FBLN1: variants seen among roughly 807,000 people sequenced by gnomAD.
The protein encoded by FBLN1 is fibulin 1, also known as fibulin-1.
A neutral mutation model predicts 89.7 loss-of-function variants in FBLN1; 34 were observed. The observed-to-expected ratio is 0.38, with a 90% CI of 0.29 to 0.50. The LOEUF is 0.50. FBLN1 is among the 20% of genes least tolerant of loss of function. The probability of loss-of-function intolerance (pLI) is 0.92; values close to 1 mark genes in which losing one functional copy is unlikely to be tolerated. For missense variants in FBLN1, 777 were observed against 988.1 expected, an observed-to-expected ratio of 0.79 and a Z score of 2.86; for synonymous variants, 393 against 391.3, an observed-to-expected ratio of 1.00 and a Z score of -0.05.
intron 16 of FBLN1, among the ~76,000 whole-genome samples, chr22:45,589,945 T>C (rs1490889073): frequency 1.3e-5 from 2 of 151,874 alleles, no homozygotes; most frequent in Non-Finnish European, 2.9e-5. Context: ...CGGTTTGGGG[T>C]GTGTATTTCT....
intron 12 of FBLN1, 38 bp from the exon 13 acceptor site, chr22:45,548,575 C>A (rs965891387): frequency 3.1e-6 from 5 of 1,612,542 alleles, no homozygotes; most frequent in Non-Finnish European, 4.2e-6. Flanking sequence ...TGGCCAGGTG[C>A]CAGGACACTG....
Position 45,597,724 on chromosome 22 carries a change from T to C in FBLN1, c.1973-2583T>C, listed in dbSNP as rs2089198748. The stretch of plus-strand genomic sequence containing the variant: ...CATGGGCTTTCAAGCAGGACAAAGC[T>C]TCAATGTCATCACCAGGTAGCAGGC... On this transcript the variant is annotated intron_variant, in intron 16 of 16. Coordinates refer to ENST00000327858, the MANE Select transcript of FBLN1 (RefSeq NM_006486.3). The surrounding 1 kb of genome is among the most constrained non-coding windows in gnomAD (Gnocchi z 4.2). Among the ~76,000 whole-genome samples, 1 of 152,122 alleles carries C rather than the reference T, an allele frequency of 6.6e-6. No individual in the cohort carries two copies. The highest frequency in any genetic ancestry group is 1.5e-5 in the Non-Finnish European group (1 of 68,020).
rs1569247962 is a variant in FBLN1, at chr22:45,543,531, G to A, written c.1321+5G>A. 6.2e-7 allele frequency: 1 copy of A among 1,612,704 alleles called. No individual in the cohort carries two copies. The highest frequency in any genetic ancestry group is 2.2e-5 in the East Asian group (1 of 44,884). On this transcript the variant is annotated splice_donor_5th_base_variant and intron_variant, in intron 11 of 16. Transcript: ENST00000327858. ...TGGATGGCAGGTCATGTGAAGGTGA[G>A]GCTGGGGCCCCGTCCACTCACCTCC...
chr22:45,577,165 C>T lies in FBLN1; in HGVS notation c.1972+57C>T. The T allele has an allele frequency of 3.1e-6, 5 of 1,594,434 alleles. No homozygotes were observed. The highest frequency in any genetic ancestry group is 4.3e-6 in the Non-Finnish European group (5 of 1,166,402). On this transcript the variant is annotated intron_variant, in intron 16 of 16. Transcript: ENST00000327858. This position sits in a 1 kb window ranked among gnomAD's most constrained non-coding sequence, Gnocchi z 6.6. ...GCACCCCTCCCCCTCCACCCCGAAA[C>T]CCTCTCTGGCCCAGCCCAACTCCCA...
chr22:45,596,158 T>C (rs779043945), intron 16 of FBLN1, among the ~76,000 whole-genome samples: 27 of 152,176 alleles, frequency 1.8e-4, no homozygotes, highest in East Asian at 3.9e-4. Context: ...CGTGAGCCAC[T>C]ACGCCCGGCC....
At chr22:45,509,394 C>A (rs2088068192) in intron 1 of FBLN1, among the ~76,000 whole-genome samples, 1 of 152,176 alleles carries the variant, frequency 6.6e-6, no homozygotes, top group South Asian at 2.1e-4. Flanking sequence ...CATCCAAGAC[C>A]CCTGTCATCT....
At chr22:45,528,182 G>A (rs576389582) in intron 4 of FBLN1, among the ~76,000 whole-genome samples, 173 bp downstream of exon 4, 3 of 152,328 alleles carry the variant, frequency 2.0e-5, no homozygotes, top group African/African-American at 7.2e-5. Flanking sequence ...AGGGAAGGAG[G>A]GGCATTGCAG....
At chr22:45,592,792 C>T (rs1304489959) in intron 16 of FBLN1, among the ~76,000 whole-genome samples, 2 of 152,176 alleles carry the variant, frequency 1.3e-5, no homozygotes, top group East Asian at 1.9e-4. Context: ...TGGGTCTCCT[C>T]TGAGCTCCTG....
intron 16 of FBLN1, among the ~76,000 whole-genome samples, chr22:45,582,838 G>A (rs4823302): frequency 0.36 from 54,617 of 152,102 alleles, 11,638 homozygotes; most frequent in Admixed American, 0.52. Context: ...TGGTGAGTGC[G>A]TATGCACAGG....
At chr22:45,595,254 C>T (rs2089174326) in intron 16 of FBLN1, among the ~76,000 whole-genome samples, 1 of 152,016 alleles carries the variant, frequency 6.6e-6, no homozygotes, top group African/African-American at 2.4e-5. Context: ...CTGGGAGATG[C>T]AGTGTGGACT....
At chr22:45,525,721 A>G (rs1432798684) in intron 3 of FBLN1, 43 bp downstream of exon 3, 1 of 1,550,718 alleles carries the variant, frequency 6.4e-7, no homozygotes, top group Admixed American at 2.0e-5. Flanking sequence ...CGTCCCCACT[A>G]GTCGGCAGAC....
At chr22:45,529,874 A>T (rs984564679) in intron 4 of FBLN1, among the ~76,000 whole-genome samples, 1 of 152,196 alleles carries the variant, frequency 6.6e-6, no homozygotes, top group African/African-American at 2.4e-5. Flanking sequence ...CTCAAAAAAA[A>T]TAATAAAATA....
chr22:45,585,569 C>T (rs1156387343), intron 16 of FBLN1, among the ~76,000 whole-genome samples: 1 of 152,194 alleles, frequency 6.6e-6, no homozygotes, highest in Non-Finnish European at 1.5e-5. Flanking sequence ...AGGGATGACG[C>T]GCTTTCTCTT....
intron 14 of FBLN1, among the ~76,000 whole-genome samples, chr22:45,553,866 C>T (rs1960777908): frequency 6.6e-6 from 1 of 152,214 alleles, no homozygotes; most frequent in Admixed American, 6.5e-5. Flanking sequence ...AAACAAATTC[C>T]ATCCCTGGTT....
At chr22:45,584,732 C>T (rs1212102350) in intron 16 of FBLN1, among the ~76,000 whole-genome samples, 1 of 152,150 alleles carries the variant, frequency 6.6e-6, no homozygotes, top group Admixed American at 6.5e-5. Flanking sequence ...CCGGAGCCTT[C>T]TTAGGGGACA....
intron 16 of FBLN1, among the ~76,000 whole-genome samples, chr22:45,593,163 C>T (rs977884544): frequency 1.4e-5 from 2 of 142,678 alleles, no homozygotes; most frequent in Middle Eastern, 3.2e-3. Flanking sequence ...GAGACCCCCC[C>T]CACCCCCCGC....
chr22:45,543,359 G>A, intron 10 of FBLN1, 42 bp from the exon 11 acceptor site: 1 of 1,607,402 alleles, frequency 6.2e-7, no homozygotes, highest in South Asian at 1.1e-5. Context: ...TGGTGCCACT[G>A]TGTTGGACAT....
intron 6 of FBLN1, 54 bp from the exon 7 acceptor site, chr22:45,533,707 A>G: frequency 6.3e-7 from 1 of 1,590,962 alleles, no homozygotes; most frequent in Non-Finnish European, 8.5e-7. Flanking sequence ...TCTAGGATGT[A>G]TTAGGATGGG....
rs1429032846 is a variant in FBLN1, at chr22:45,575,349, G to C, written c.1840+696G>C. On this transcript the variant is annotated intron_variant, in intron 15 of 16. Coordinates refer to ENST00000327858, the MANE Select transcript of FBLN1 (RefSeq NM_006486.3). The surrounding 1 kb of genome is among the most constrained non-coding windows in gnomAD (Gnocchi z 6.3). Reference sequence around the variant, plus strand: ...GGGGAGGAGGGTGCCCAGTGGAGCAGGACATGGCCAGAAGGGTCTGGAGGT... The same window carrying C: ...GGGGAGGAGGGTGCCCAGTGGAGCACGACATGGCCAGAAGGGTCTGGAGGT... Among the ~76,000 whole-genome samples, 2 of 152,084 alleles carry C rather than the reference G, an allele frequency of 1.3e-5. No individual in the cohort carries two copies. Among genetic ancestry groups the C allele is most frequent in the Non-Finnish European group, 2.9e-5 (2 of 68,016 alleles).
Sources: gnomAD v4.1 joint callset for allele counts (sites outside exome capture counted in the v4.1 genomes callset) on GRCh38, gnomAD v4.1.1 for gene constraint, Gnocchi (gnomAD v3.1) non-coding constraint, MANE v1.5 for transcripts, NCBI Gene and HGNC (gene_info 2026-07-23, HGNC 2026-07-21) for gene names.